The following CSMD2 variants were observed in gnomAD, a reference collection of about 807,000 sequenced individuals.
CSMD2 encodes CUB and sushi domain-containing protein 2.
Under a neutral mutation model 398.5 loss-of-function variants are expected in CSMD2, and 130 were observed. That is an observed-to-expected ratio of 0.33 (90% CI 0.28 to 0.38). The LOEUF (loss-of-function observed/expected upper bound fraction) is 0.38. Ranked by LOEUF, CSMD2 falls within the 10% of genes least tolerant of loss-of-function variation. CSMD2 has a pLI of 1.00. For missense variants in CSMD2, 3,829 were observed against 4,764.9 expected (o/e 0.80, Z 5.78); for synonymous variants, 1,828 against 1,908.5 (o/e 0.96, Z 1.10).
intron 1 of CSMD2, among the ~76,000 whole-genome samples, chr1:34,117,648 C>CAA (rs751344025): frequency 2.1e-5 from 3 of 144,050 alleles, no homozygotes; most frequent in African/African-American, 5.2e-5. Flanking sequence ...AAAGATACTA[C>CAA]AAAAAAAAAA....
At position 33,519,618 on chromosome 1, in the gene CSMD2, G is replaced by A. The variant is rs1463989820; in HGVS notation, c.10796C>T (p.Ala3599Val). ...GTCGTACATTGGGTTCTCAAATGTGGCCCGAACATTGGTGTTCTCGTGGCC... is the reference window on the plus strand; with the variant it reads ...GTCGTACATTGGGTTCTCAAATGTGACCCGAACATTGGTGTTCTCGTGGCC... ...YAGHENTNVR[A>V]TFENPMYDRN... The change falls in exon 70 of 71, where the codon GCC becomes GTC. Residue 3599 changes from alanine (A) to valine (V), a missense_variant. By Grantham distance (64) the Ala-to-Val change is moderately conservative. Transcript: ENST00000373381. This position sits in a 1 kb window ranked among gnomAD's most constrained non-coding sequence, Gnocchi z 5.6. The A allele has an allele frequency of 3.7e-6, 6 of 1,613,944 alleles. No homozygotes were observed. Among genetic ancestry groups the A allele is most frequent in the African/African-American group, 1.3e-5 (1 of 74,890 alleles).
At chr1:34,137,307 A>G (rs1330343432) in intron 1 of CSMD2, among the ~76,000 whole-genome samples, 2 of 149,184 alleles carry the variant, frequency 1.3e-5, no homozygotes, top group Non-Finnish European at 1.5e-5. Context: ...AAAAAAAGTG[A>G]CTGAAACCTT....
At position 33,943,289 on chromosome 1, in the gene CSMD2, G is replaced by GT. The variant is rs1487608788; in HGVS notation, c.518-7336dup. Among the ~76,000 whole-genome samples the GT allele has an allele frequency of 2.0e-5, 3 of 152,332 alleles. No individual in the cohort carries two copies. In the East Asian group the frequency reaches 5.8e-4, roughly 29 times the overall value. ...TCCTTGTGATCTGACTGTTGCTGAC[G>GT]TTTTTTCTGCCTTCTCTCATCTTGT... is the stretch of plus-strand genomic sequence containing the variant. On this transcript the variant is annotated intron_variant, in intron 3 of 70. Transcript: ENST00000373381.
At chr1:34,076,909 C>CAA (rs1160217243) in intron 2 of CSMD2, among the ~76,000 whole-genome samples, 876 of 10,156 alleles carry the variant, frequency 0.086, 206 homozygotes, top group Middle Eastern at 0.2. Flanking sequence ...TACAGCAAAG[C>CAA]AAAAAAAAAA....
chr1:33,605,724 T>C (rs1398352822), intron 41 of CSMD2: 1 of 788,586 alleles, frequency 1.3e-6, no homozygotes, highest in Non-Finnish European at 2.1e-6. Context: ...GAAAGCTCAG[T>C]AAATAGTATC....
chr1:34,000,177 A>AAC (rs1278810320), intron 3 of CSMD2, among the ~76,000 whole-genome samples: 6 of 152,172 alleles, frequency 3.9e-5, no homozygotes, highest in Non-Finnish European at 8.8e-5. Flanking sequence ...ATTTTCTTAA[A>AAC]ACAAAGTATC....
At chr1:33,640,991 TGTTCTTTCA>T (rs1643073585) in intron 29 of CSMD2, among the ~76,000 whole-genome samples, 2 of 152,156 alleles carry the variant, frequency 1.3e-5, no homozygotes, top group African/African-American at 2.4e-5. Context: ...GTCTTTCCTG[TGTTCTTTCA>T]GATTCTCTAA....
chr1:34,089,147 C>A lies in CSMD2; in HGVS notation c.234G>T (p.Glu78Asp). 1 of 1,614,158 alleles carries A rather than the reference C, an allele frequency of 6.2e-7. No individual in the cohort carries two copies. Residue 78 changes from glutamate (E) to aspartate (D), a missense_variant, in exon 2 of 71, where the codon GAG becomes GAT. Around this residue, in one of 5 missense-constraint regions of CSMD2, gnomAD observed 184 missense variants for 217.7 expected, o/e 0.85. Coordinates refer to ENST00000373381, the MANE Select transcript of CSMD2 (RefSeq NM_001281956.2). Reference protein sequence around the residue: ...FQLHGPNGTVESPGFPYGYPN... With the variant: ...FQLHGPNGTVDSPGFPYGYPN... ...GGTAGCCATATGGGAACCCTGGGCTCTCAACTGTCCCATTGGGACCGTGCA... is the reference window on the plus strand; with the variant it reads ...GGTAGCCATATGGGAACCCTGGGCTATCAACTGTCCCATTGGGACCGTGCA...
At chr1:33,870,068 T>C (rs1040578216) in intron 5 of CSMD2, 1 of 152,142 alleles carries the variant, frequency 6.6e-6, no homozygotes, top group Non-Finnish European at 1.5e-5. Context: ...TATCAATTAT[T>C]TGAGGGCAAA....
At chr1:33,730,792 A>G (rs2149220473) in intron 15 of CSMD2, among the ~76,000 whole-genome samples, 1 of 152,296 alleles carries the variant, frequency 6.6e-6, no homozygotes, top group South Asian at 2.1e-4. Flanking sequence ...ATATTAAAGA[A>G]GTTAAGTAAA....
chr1:34,132,131 G>C lies in CSMD2; in HGVS notation c.187+32780C>G, dbSNP rs532848235. Among the ~76,000 whole-genome samples, 6 of 152,200 alleles carry C rather than the reference G, an allele frequency of 3.9e-5. No individual in the cohort carries two copies. The East Asian group carries it at 1.2e-3, about 30-fold the overall frequency. ...TGACCTGTAAGGAGGAAGAGCAAGA[G>C]AGAGGGAGGACTCGCCTCTGGAACA... On this transcript the variant is annotated intron_variant, in intron 1 of 70. Coordinates refer to ENST00000373381, the MANE Select transcript of CSMD2 (RefSeq NM_001281956.2).
intron 5 of CSMD2, among the ~76,000 whole-genome samples, chr1:33,912,418 C>A (rs535216082): frequency 6.8e-6 from 1 of 147,562 alleles, no homozygotes; most frequent in East Asian, 2.1e-4. Context: ...TACACCCCCC[C>A]ACACACACTC....
chr1:33,615,620 G>T (rs1358019557), intron 39 of CSMD2, among the ~76,000 whole-genome samples: 1 of 152,202 alleles, frequency 6.6e-6, no homozygotes, highest in Non-Finnish European at 1.5e-5. Context: ...TTGTTGTGAG[G>T]TCATATCAGA....
chr1:34,159,887 T>A (rs1641174028), intron 1 of CSMD2, among the ~76,000 whole-genome samples: 1 of 152,200 alleles, frequency 6.6e-6, no homozygotes, highest in Admixed American at 6.5e-5. Context: ...GCACATTCGA[T>A]GAGGTATGGC....
Position 34,103,330 on chromosome 1 carries a change from G to A in CSMD2, c.188-14137C>T, listed in dbSNP as rs570252158. ...TTTTTTCTTTCTGAGCCAGATTCTC[G>A]CTCTGTCAACCAGGCTGGAGTGCAG... On this transcript the variant is annotated intron_variant, in intron 1 of 70. Coordinates refer to ENST00000373381, the MANE Select transcript of CSMD2 (RefSeq NM_001281956.2). 5.9e-4 allele frequency among the ~76,000 whole-genome samples: 69 copies of A among 116,880 alleles called. No homozygotes were observed. In the South Asian group the frequency reaches 0.011, roughly 19 times the overall value. 76.7% of individuals were successfully genotyped at this position (116,880 alleles called of 152,430 possible).
intron 70 of CSMD2, among the ~76,000 whole-genome samples, chr1:33,517,402 A>G (rs745775177): frequency 3.9e-5 from 6 of 152,232 alleles, no homozygotes; most frequent in Admixed American, 2.0e-4. Context: ...GGAACCCAGC[A>G]GAACCCAGGT....
chr1:33,951,679 A>G (rs1199811358), intron 3 of CSMD2, among the ~76,000 whole-genome samples: 1 of 152,106 alleles, frequency 6.6e-6, no homozygotes, highest in East Asian at 1.9e-4. Flanking sequence ...CACCATCCTT[A>G]AGCTTCTTGT....
chr1:33,598,093 G>A (rs1639958266), intron 44 of CSMD2, among the ~76,000 whole-genome samples: 1 of 151,252 alleles, frequency 6.6e-6, no homozygotes, highest in Admixed American at 6.6e-5. Context: ...TTAACCAAAA[G>A]TACAGGATCA....
At position 33,772,634 on chromosome 1, in the gene CSMD2, A is replaced by C; in HGVS notation, c.1781T>G (p.Val594Gly). ...KFECQPAFELVGQKAITCQKN... is the reference protein window; with the variant it reads ...KFECQPAFELGGQKAITCQKN... ...TTGGCATGTGATTGCCTTCTGTCCC[A>C]CCAGCTCAAAGGCGGGCTGGCACTC... Residue 594 changes from valine to glycine, a missense_variant, in exon 13 of 71, where the codon GTG (valine) becomes GGG (glycine). Transcript: ENST00000373381. 6.2e-7 allele frequency: 1 copy of C among 1,614,088 alleles called. No individual in the cohort carries two copies.
Sources: allele counts gnomAD v4.1 joint callset (sites outside exome capture counted in the v4.1 genomes callset), GRCh38; gene constraint gnomAD v4.1.1; regional missense constraint gnomAD v4.1.1; non-coding constraint Gnocchi (gnomAD v3.1); transcripts MANE v1.5; gene names NCBI Gene and HGNC (gene_info 2026-07-23, HGNC 2026-07-21).